CES5A: variants seen among roughly 807,000 people sequenced by gnomAD.
CES5A encodes the protein carboxylesterase 5.
A neutral mutation model predicts 62.9 loss-of-function variants in CES5A; 67 were observed. The ratio of observed to expected loss-of-function variants is 1.07; its 90% confidence interval spans 0.88 to 1.31. CES5A has a LOEUF of 1.31. CES5A is among the 50% of genes most tolerant of loss of function. The probability of loss-of-function intolerance (pLI) is 0.00; values close to 1 mark genes in which losing one functional copy is unlikely to be tolerated. For synonymous variants in CES5A, 296 were observed against 280.8 expected, an observed-to-expected ratio of 1.05 and a Z score of -0.54; for missense variants, 748 against 708.5, an observed-to-expected ratio of 1.06 and a Z score of -0.63.
At chr16:55,936,014 T>G (rs1433994021) in intron 2 of CES5A, among the ~76,000 whole-genome samples, 1 of 152,162 alleles carries the variant, frequency 6.6e-6, no homozygotes, top group African/African-American at 2.4e-5. Context: ...AGATGGGTCT[T>G]TAACAGTCCC....
chr16:55,870,715 G>A (rs2033565463), intron 3 of CES5A, among the ~76,000 whole-genome samples: 1 of 152,138 alleles, frequency 6.6e-6, no homozygotes, highest in Admixed American at 6.5e-5. Context: ...AGAGGGAAGA[G>A]TAAAATTTTT....
intron 1 of CES5A, among the ~76,000 whole-genome samples, chr16:55,922,963 G>A (rs1211036762): frequency 1.3e-5 from 2 of 151,592 alleles, no homozygotes; most frequent in South Asian, 2.1e-4. Flanking sequence ...AAGAAGTTAA[G>A]AAGGAATTTA....
At chr16:55,870,611 T>G (rs1447243811) in intron 3 of CES5A, among the ~76,000 whole-genome samples, 1 of 151,728 alleles carries the variant, frequency 6.6e-6, no homozygotes, top group African/African-American at 2.4e-5. Flanking sequence ...GGCACAGGAA[T>G]CCCTTGAGCC....
At chr16:55,944,582 T>A (rs1364123307) in intron 2 of CES5A, 1 of 154,218 alleles carries the variant, frequency 6.5e-6, no homozygotes, top group Non-Finnish European at 1.4e-5. Context: ...TCACTTCTGA[T>A]CCAAGCAGCC....
chr16:55,933,559 T>A (rs1315111749), intron 2 of CES5A, among the ~76,000 whole-genome samples: 1 of 152,196 alleles, frequency 6.6e-6, no homozygotes. Flanking sequence ...ATGTTTCTGG[T>A]TTCTCAGTTC....
At chr16:55,949,831 C>A in exon 2 of CES5A, 2 of 1,524,204 alleles carry the variant, frequency 1.3e-6, no homozygotes, top group South Asian at 1.2e-5. Flanking sequence ...TCAATACATA[C>A]AAAGTTGAGG....
At chr16:55,910,547 C>G (rs1236378724) in intron 1 of CES5A, among the ~76,000 whole-genome samples, 1 of 152,248 alleles carries the variant, frequency 6.6e-6, no homozygotes, top group African/African-American at 2.4e-5. Flanking sequence ...GCATTAACCT[C>G]GTCTCCTCAA....
Position 55,846,446 on chromosome 16 carries a change from A to T in CES5A, c.*5T>A, listed in dbSNP as rs1393372850. 2 of 1,607,632 alleles carry T rather than the reference A, an allele frequency of 1.2e-6. No individual in the cohort carries two copies. Among genetic ancestry groups the T allele is most frequent in the Non-Finnish European group, 1.7e-6 (2 of 1,175,054 alleles). On this transcript the variant is annotated 3_prime_UTR_variant, in exon 13 of 13. Transcript: ENST00000290567. ...GGGAAACCAAAATCACAGAAAGATA[A>T]CTTCTCAAGGAGCACAAAAGAAAAA...
upstream of CES5A, among the ~76,000 whole-genome samples, chr16:55,878,188 G>A (rs1212324810): frequency 6.6e-6 from 1 of 152,070 alleles, no homozygotes; most frequent in East Asian, 1.9e-4. Context: ...AAGCAGCTTG[G>A]CTTAAAACAT....
chr16:55,899,966 A>T (rs2033974141), intron 1 of CES5A, among the ~76,000 whole-genome samples: 1 of 152,192 alleles, frequency 6.6e-6, no homozygotes, highest in African/African-American at 2.4e-5. Context: ...GAATTTTTAA[A>T]ATTTGCAAGC....
At chr16:55,921,478 GA>G (rs200972337) in intron 1 of CES5A, among the ~76,000 whole-genome samples, 3,702 of 151,324 alleles carry the variant, frequency 0.024, 166 homozygotes, top group African/African-American at 0.084. Context: ...AGTGCTGAAA[GA>G]AAAAAAACTG....
rs188658216 is a variant in CES5A, at chr16:55,862,872, A to G, written c.810+476T>C. Reference sequence around the variant, plus strand: ...CTAGGGCATCACTATCTAGTAGATAATTAAGACAAGAGACAGATGACAAAT... The same window carrying G: ...CTAGGGCATCACTATCTAGTAGATAGTTAAGACAAGAGACAGATGACAAAT... On this transcript the variant is annotated intron_variant, in intron 6 of 12. Coordinates refer to ENST00000290567, the MANE Select transcript of CES5A (RefSeq NM_001143685.2). Among the ~76,000 whole-genome samples the G allele has an allele frequency of 2.6e-5, 4 of 152,314 alleles. No homozygotes were observed. In the East Asian group the frequency reaches 7.7e-4, roughly 29 times the overall value.
upstream of CES5A, among the ~76,000 whole-genome samples, chr16:55,925,631 A>T (rs545368191): frequency 6.6e-6 from 1 of 152,282 alleles, no homozygotes; most frequent in South Asian, 2.1e-4. Context: ...AACAGTGGAT[A>T]AATGGATAAA....
intron 1 of CES5A, among the ~76,000 whole-genome samples, chr16:55,911,454 A>C (rs578237228): frequency 6.6e-6 from 1 of 152,146 alleles, no homozygotes; most frequent in South Asian, 2.1e-4. Context: ...AATAATACTC[A>C]CCCATTTATT....
chr16:55,883,031 A>G (rs1484278626), intron 1 of CES5A, among the ~76,000 whole-genome samples: 1 of 152,220 alleles, frequency 6.6e-6, no homozygotes, highest in Non-Finnish European at 1.5e-5. Flanking sequence ...TGGAATGGAT[A>G]AGATTGAGTT....
intron 1 of CES5A, among the ~76,000 whole-genome samples, chr16:55,922,034 A>G (rs1176509676): frequency 6.6e-6 from 1 of 152,054 alleles, no homozygotes; most frequent in Non-Finnish European, 1.5e-5. Context: ...GTAAAAACTT[A>G]TAATAGACTC....
Position 55,953,630 on chromosome 16 carries a change from AG to A in CES5A, c.42+2213del, listed in dbSNP as rs534014385. 7.9e-5 allele frequency among the ~76,000 whole-genome samples: 12 copies of A among 152,326 alleles called. No individual in the cohort carries two copies. The East Asian group carries it at 1.7e-3, about 22-fold the overall frequency. ...AGTGGTATAAAGAGTTAGGATGTGA[AG>A]GGAAACCTGGTTGTGATGTTACTAG... On this transcript the variant is annotated intron_variant, in intron 1 of 13. Coordinates refer to the CES5A transcript ENST00000521992.
chr16:55,915,108 G>T (rs796645734), intron 1 of CES5A, among the ~76,000 whole-genome samples: 5 of 152,040 alleles, frequency 3.3e-5, no homozygotes, highest in African/African-American at 1.2e-4. Flanking sequence ...TATTACTCCA[G>T]GCTGGAATTA....
chr16:55,876,290 T>C (rs2033692597), upstream of CES5A, among the ~76,000 whole-genome samples: 1 of 152,210 alleles, frequency 6.6e-6, no homozygotes, highest in South Asian at 2.1e-4. Context: ...TTTTAAAAGC[T>C]GTTATTAAAG....
Sources: gnomAD v4.1 joint callset for allele counts (sites outside exome capture counted in the v4.1 genomes callset) on GRCh38, gnomAD v4.1.1 for gene constraint, MANE v1.5 for transcripts, NCBI Gene and HGNC (gene_info 2026-07-23, HGNC 2026-07-21) for gene names.